The following GSAP variants were observed in gnomAD, a reference collection of about 807,000 sequenced individuals.
The protein encoded by GSAP is gamma-secretase activating protein, also known as gamma-secretase-activating protein.
GSAP carries 118 observed loss-of-function variants against 131.7 expected under a neutral mutation model. The observed-to-expected ratio is 0.90, with a 90% confidence interval of 0.77 to 1.04. The LOEUF (loss-of-function observed/expected upper bound fraction) is 1.04. GSAP is among the 50% of genes least tolerant of loss of function. GSAP has a pLI of 0.00. For synonymous variants in GSAP, 381 were observed against 363.4 expected (o/e 1.05, Z -0.55); for missense variants, 1,019 against 1,013.2 (o/e 1.01, Z -0.08).
In GSAP at chr7:77,377,144, G is replaced by A. The variant is rs962459399; in HGVS notation, c.681+142C>T. On this transcript the variant is annotated intron_variant, in intron 9 of 30. Transcript: ENST00000257626. ...AGGCAGGTGCATCACTTGAGCCCAG[G>A]AGTTCAAGGCTGCAGTGAGCTATGA... 7 of 985,690 alleles carry A rather than the reference G, an allele frequency of 7.1e-6. No individual in the cohort carries two copies. In the East Asian group the frequency reaches 1.8e-4, roughly 25 times the overall value. 61.1% of individuals were successfully genotyped at this position (985,690 alleles called of 1,614,324 possible).
At chr7:77,324,464 C>A (rs1788057192) in intron 23 of GSAP, among the ~76,000 whole-genome samples, 1 of 152,160 alleles carries the variant, frequency 6.6e-6, no homozygotes, top group Admixed American at 6.5e-5. Context: ...CACGTTTGTG[C>A]CAATAAACAG....
chr7:77,393,502 C>T (rs1297839650), intron 5 of GSAP, among the ~76,000 whole-genome samples: 2 of 151,964 alleles, frequency 1.3e-5, no homozygotes, highest in South Asian at 2.1e-4. Context: ...CTGAGCAAGT[C>T]CAAAATGAAA....
chr7:77,319,219 A>G (rs184857605), intron 26 of GSAP, among the ~76,000 whole-genome samples: 3 of 152,334 alleles, frequency 2.0e-5, no homozygotes, highest in Non-Finnish European at 4.4e-5. Flanking sequence ...AAACAACCAG[A>G]TTAAAAAATG....
In GSAP at chr7:77,314,414, C is replaced by T. The variant is rs1794749558; in HGVS notation, c.2165G>A (p.Gly722Glu). ...LHNLLHCIDS[G>E]VLLLTETAVI... ...AGCTGTTTCAGTGAGAAGCAACACT[C>T]CACTGTCAATGCAATGCAGCAGGTT... Residue 722 changes from glycine (G) to glutamate (E), a missense_variant, in exon 27 of 31, where the codon GGA becomes GAA. Gly to Glu is a moderately conservative substitution (Grantham distance 98). Coordinates refer to ENST00000257626, the MANE Select transcript of GSAP (RefSeq NM_017439.4). 3 of 1,613,676 alleles carry T rather than the reference C, an allele frequency of 1.9e-6. No individual in the cohort carries two copies. The highest frequency in any genetic ancestry group is 1.3e-5 in the African/African-American group (1 of 74,886).
intron 30 of GSAP, 194 bp downstream of exon 30, chr7:77,311,645 CTT>C (rs1423316059): frequency 1.0e-5 from 6 of 589,728 alleles, no homozygotes; most frequent in East Asian, 8.3e-5. Context: ...CCTCTTGACT[CTT>C]TTAAAACTTC....
At position 77,404,620 on chromosome 7, in the gene GSAP, A is replaced by G. The variant is rs10238020; in HGVS notation, c.187-5T>C. ...GACGACATTTCCCTTATCATCCTAA[A>G]AAAAATTAACCAGATGTTTATTAAA... On this transcript the variant is annotated splice_region_variant and splice_polypyrimidine_tract_variant and intron_variant, in intron 2 of 30. Transcript: ENST00000257626. The G allele has an allele frequency of 0.088, 132,345 of 1,496,202 alleles. 9,531 individuals carry two copies. The highest frequency in any genetic ancestry group is 0.4 in the East Asian group (17,615 of 44,022). The allele number at this position is 1,496,202 out of a possible 1,614,324, so 92.7% of individuals were successfully genotyped here.
intron 14 of GSAP, among the ~76,000 whole-genome samples, chr7:77,360,513 A>G (rs1476286821): frequency 2.0e-5 from 3 of 152,234 alleles, no homozygotes; most frequent in African/African-American, 7.2e-5. Context: ...ATCTCATACA[A>G]GTTATCATTT....
At chr7:77,342,556 T>TC (rs1791137365) in intron 19 of GSAP, among the ~76,000 whole-genome samples, 1 of 151,910 alleles carries the variant, frequency 6.6e-6, no homozygotes, top group Non-Finnish European at 1.5e-5. Context: ...CTCCTTCGCA[T>TC]CTCCCCTTGT....
intron 1 of GSAP, among the ~76,000 whole-genome samples, chr7:77,407,559 T>C (rs1273652022): frequency 1.3e-5 from 2 of 152,210 alleles, no homozygotes; most frequent in Non-Finnish European, 2.9e-5. Context: ...TTACCTATTG[T>C]CAGTTATATG....
intron 12 of GSAP, among the ~76,000 whole-genome samples, chr7:77,364,420 G>T (rs1286268874): frequency 1.3e-5 from 2 of 149,378 alleles, no homozygotes; most frequent in African/African-American, 4.9e-5. Flanking sequence ...ACTATCACAA[G>T]AACAAAAAAC....
chr7:77,323,556 A>G (rs895792064), intron 24 of GSAP, 91 bp downstream of exon 24: 2 of 580,880 alleles, frequency 3.4e-6, no homozygotes, highest in Admixed American at 3.4e-5. Context: ...AATTTGAAAA[A>G]CACATAAATG....
At chr7:77,346,734 G>T (rs1427694404) in intron 19 of GSAP, among the ~76,000 whole-genome samples, 2 of 151,506 alleles carry the variant, frequency 1.3e-5, no homozygotes, top group Non-Finnish European at 2.9e-5. Flanking sequence ...AAAAAAGTAT[G>T]ACATACTTAT....
chr7:77,393,750 G>A (rs749956962), intron 5 of GSAP, among the ~76,000 whole-genome samples: 6 of 147,970 alleles, frequency 4.1e-5, no homozygotes, highest in African/African-American at 1.5e-4. Flanking sequence ...CTCTGCTCAC[G>A]GCAACCTTTA....
At chr7:77,381,276 A>G (rs775936275) in intron 8 of GSAP, 29 bp downstream of exon 8, 1 of 1,393,464 alleles carries the variant, frequency 7.2e-7, no homozygotes, top group Non-Finnish European at 9.9e-7. Context: ...AAAAAAACCT[A>G]TGAAGCGAAA....
chr7:77,350,622 A>G (rs1217449703), intron 18 of GSAP, among the ~76,000 whole-genome samples: 3 of 151,082 alleles, frequency 2.0e-5, no homozygotes, highest in African/African-American at 7.3e-5. Context: ...AGGCGCCTGT[A>G]TTTCCAGCTA....
intron 8 of GSAP, among the ~76,000 whole-genome samples, chr7:77,380,220 T>G (rs1443036672): frequency 2.6e-5 from 4 of 152,132 alleles, no homozygotes; most frequent in Non-Finnish European, 5.9e-5. Context: ...CTTAGACTCA[T>G]CCAATTGGAA....
In GSAP at chr7:77,382,620, A is replaced by G. The variant is rs1186751719; in HGVS notation, c.480T>C (p.Ser160=). The part of the protein sequence containing the change: ...WVQFLYPHIE[S]HPLPENHLLL... ...ACAGATGGTTCTCTGGAAGAGGATG[A>G]CTTTCAATATGTGGGTAGAGAAACT... The change falls in exon 7 of 31, where the codon AGT becomes AGC. Residue 160 remains serine, a synonymous_variant. Transcript: ENST00000257626. The G allele has an allele frequency of 2.6e-6, 4 of 1,563,668 alleles. No individual in the cohort carries two copies. Among genetic ancestry groups the G allele is most frequent in the Non-Finnish European group, 3.5e-6 (4 of 1,134,268 alleles).
At chr7:77,325,045 A>ACCTC (rs1584260684) in intron 23 of GSAP, among the ~76,000 whole-genome samples, 1 of 151,950 alleles carries the variant, frequency 6.6e-6, no homozygotes, top group East Asian at 1.9e-4. Flanking sequence ...CGAACTCCTG[A>ACCTC]CCTCAGGTGA....
upstream of GSAP, chr7:77,416,494 T>G: frequency 2.4e-6 from 1 of 408,278 alleles, no homozygotes; most frequent in Non-Finnish European, 4.4e-6. Context: ...CACCAGCTCC[T>G]CCCGGCCGGC....
Sources: allele counts gnomAD v4.1 joint callset (sites outside exome capture counted in the v4.1 genomes callset), GRCh38; gene constraint gnomAD v4.1.1; transcripts MANE v1.5; gene names NCBI Gene and HGNC (gene_info 2026-07-23, HGNC 2026-07-21).